Variants in ARHGAP26 observed in about 807,000 individuals in gnomAD.
ARHGAP26 encodes Rho GTPase activating protein 26.
A neutral mutation model predicts 104.8 loss-of-function variants in ARHGAP26; 38 were observed. That is an observed-to-expected ratio of 0.36 (90% CI 0.28 to 0.48). The LOEUF (loss-of-function observed/expected upper bound fraction) is 0.48, where lower values mean the gene tolerates loss of function less well. Ranked by LOEUF, ARHGAP26 falls within the 20% of genes least tolerant of loss-of-function variation. The pLI is 0.99. For missense variants in ARHGAP26, 704 were observed against 947.9 expected (o/e 0.74, Z 3.38); for synonymous variants, 341 against 340.0 (o/e 1.00, Z -0.03).
intron 6 of ARHGAP26, among the ~76,000 whole-genome samples, chr5:142,900,018 T>TTA (rs1023647362): frequency 4.6e-5 from 7 of 152,320 alleles, no homozygotes; most frequent in Non-Finnish European, 7.3e-5. Context: ...AATTAACTGC[T>TTA]TATCTTCTGC....
chr5:143,185,823 CA>C (rs1275579949), intron 20 of ARHGAP26, among the ~76,000 whole-genome samples: 2 of 152,188 alleles, frequency 1.3e-5, no homozygotes, highest in Non-Finnish European at 2.9e-5. Flanking sequence ...GGCTGGCGAG[CA>C]GAGGAGTGAA....
intron 20 of ARHGAP26, among the ~76,000 whole-genome samples, chr5:143,166,691 ATC>A (rs1291480977): frequency 3.9e-5 from 6 of 152,208 alleles, no homozygotes; most frequent in African/African-American, 1.2e-4. Context: ...GAGGGAAAGC[ATC>A]TATGGACTGG....
intron 17 of ARHGAP26, among the ~76,000 whole-genome samples, chr5:143,070,907 A>G (rs1323754452): frequency 2.0e-5 from 3 of 151,970 alleles, no homozygotes; most frequent in Non-Finnish European, 4.4e-5. Context: ...TCTTGACACT[A>G]TCGCAGAAAA....
intron 11 of ARHGAP26, among the ~76,000 whole-genome samples, chr5:142,958,927 A>AAG (rs1769729920): frequency 6.6e-6 from 1 of 151,894 alleles, no homozygotes; most frequent in Non-Finnish European, 1.5e-5. Flanking sequence ...AAAGAAAAAA[A>AAG]AAAAGAAAGG....
intron 20 of ARHGAP26, among the ~76,000 whole-genome samples, chr5:143,178,041 C>T (rs1444136640): frequency 8.1e-6 from 1 of 123,606 alleles, no homozygotes; most frequent in African/African-American, 3.1e-5. Context: ...ACTCTGTCAC[C>T]TGGGCTGGAG....
intron 14 of ARHGAP26, among the ~76,000 whole-genome samples, chr5:143,047,193 C>T (rs1241836319): frequency 6.6e-6 from 1 of 152,138 alleles, no homozygotes; most frequent in Non-Finnish European, 1.5e-5. Flanking sequence ...GTAAATATCC[C>T]CATAGAGGCA....
At chr5:143,011,849 C>T (rs1029506373) in intron 11 of ARHGAP26, among the ~76,000 whole-genome samples, 6 of 152,240 alleles carry the variant, frequency 3.9e-5, no homozygotes, top group Non-Finnish European at 8.8e-5. Context: ...GCCCTCCCCT[C>T]AAATTCCATG....
At chr5:142,912,594 T>C (rs931693534) in intron 9 of ARHGAP26, among the ~76,000 whole-genome samples, 1 of 152,240 alleles carries the variant, frequency 6.6e-6, no homozygotes, top group Non-Finnish European at 1.5e-5. Context: ...ATGTATTTAT[T>C]GAGGAGCTAC....
intron 11 of ARHGAP26, among the ~76,000 whole-genome samples, chr5:142,945,470 T>C (rs192212008): frequency 1.8e-4 from 28 of 152,232 alleles, no homozygotes; most frequent in African/African-American, 5.8e-4. Flanking sequence ...TCTGAGGAGG[T>C]TGGTGTGAGG....
chr5:142,953,194 A>G (rs998214519), intron 11 of ARHGAP26, among the ~76,000 whole-genome samples: 1 of 152,158 alleles, frequency 6.6e-6, no homozygotes, highest in South Asian at 2.1e-4. Flanking sequence ...CTTGACATAC[A>G]AGGGAAGGTG....
At chr5:143,060,510 A>C (rs892173134) in intron 17 of ARHGAP26, among the ~76,000 whole-genome samples, 1 of 152,168 alleles carries the variant, frequency 6.6e-6, no homozygotes, top group Non-Finnish European at 1.5e-5. Flanking sequence ...ACCAGGGTAC[A>C]TCCAAATCAC....
intron 10 of ARHGAP26, 82 bp from the exon 11 acceptor site, chr5:142,931,965 G>A: frequency 7.7e-7 from 1 of 1,305,556 alleles, no homozygotes; most frequent in Non-Finnish European, 1.1e-6. Flanking sequence ...TGACTCTTTT[G>A]AGTGGATGTT....
intron 10 of ARHGAP26, among the ~76,000 whole-genome samples, chr5:142,921,260 A>C (rs916273099): frequency 2.0e-5 from 3 of 152,172 alleles, no homozygotes; most frequent in Non-Finnish European, 2.9e-5. Context: ...GGTATGTTTT[A>C]TATACCTCTG....
At chr5:143,163,423 G>A (rs1657967837) in intron 20 of ARHGAP26, among the ~76,000 whole-genome samples, 1 of 147,912 alleles carries the variant, frequency 6.8e-6, no homozygotes, top group African/African-American at 2.6e-5. Flanking sequence ...TTGGGTAGAA[G>A]GAGTTCTAGG....
intron 17 of ARHGAP26, 144 bp downstream of exon 17, chr5:143,057,891 A>T (rs1786074067): frequency 1.3e-6 from 1 of 776,856 alleles, no homozygotes; most frequent in South Asian, 1.5e-5. Flanking sequence ...AATGTGTGAA[A>T]TGTTCATTGC....
intron 1 of ARHGAP26, among the ~76,000 whole-genome samples, chr5:142,824,281 T>C (rs972903748): frequency 1.3e-5 from 2 of 152,174 alleles, no homozygotes; most frequent in African/African-American, 2.4e-5. Flanking sequence ...TGCTCTTGCA[T>C]TGGGCAAAAT....
At chr5:143,208,827 CT>C (rs1307801482) in intron 21 of ARHGAP26, among the ~76,000 whole-genome samples, 2 of 152,128 alleles carry the variant, frequency 1.3e-5, no homozygotes, top group Middle Eastern at 3.4e-3. Context: ...TCTTTTTTTT[CT>C]CACTCTATAA....
intron 1 of ARHGAP26, among the ~76,000 whole-genome samples, chr5:142,808,020 G>C (rs918827705): frequency 1.3e-5 from 2 of 151,910 alleles, no homozygotes; most frequent in Admixed American, 6.6e-5. Flanking sequence ...CGGATCACGA[G>C]GTCAGGAGAT....
chr5:142,792,883 C>G (rs1366419466), intron 1 of ARHGAP26, among the ~76,000 whole-genome samples: 1 of 152,190 alleles, frequency 6.6e-6, no homozygotes. Flanking sequence ...AAACCTTTTC[C>G]TTGTTTTCCT....
Sources: gnomAD v4.1 joint callset for allele counts (sites outside exome capture counted in the v4.1 genomes callset) on GRCh38, gnomAD v4.1.1 for gene constraint, MANE v1.5 for transcripts, NCBI Gene and HGNC (gene_info 2026-07-23, HGNC 2026-07-21) for gene names.